The following CPLX1 variants were observed in gnomAD, a reference collection of about 807,000 sequenced individuals.
CPLX1 encodes the protein complexin-1.
Under a neutral mutation model 15.6 loss-of-function variants are expected in CPLX1, and 6 were observed. The ratio of observed to expected loss-of-function variants is 0.39; its 90% CI spans 0.21 to 0.76. The LOEUF is 0.76. CPLX1 is among the 30% of genes least tolerant of loss of function. The pLI is 0.43. For synonymous variants in CPLX1, 91 were observed against 75.2 expected (o/e 1.21, Z -1.08); for missense variants, 242 against 188.6 (o/e 1.28, Z -1.66).
At chr4:818,692 C>T (rs1186190452) in intron 2 of CPLX1, among the ~76,000 whole-genome samples, 1 of 152,258 alleles carries the variant, frequency 6.6e-6, no homozygotes, top group Non-Finnish European at 1.5e-5. Context: ...TGGAAACCGG[C>T]GGCTGCGCCA....
At chr4:803,476 C>T (rs1217162379) in intron 2 of CPLX1, among the ~76,000 whole-genome samples, 1 of 152,126 alleles carries the variant, frequency 6.6e-6, no homozygotes, top group Non-Finnish European at 1.5e-5. Flanking sequence ...CTGCAAGCTC[C>T]GCCTCCCAGG....
At chr4:817,709 G>A (rs1746785232) in intron 2 of CPLX1, among the ~76,000 whole-genome samples, 3 of 150,774 alleles carry the variant, frequency 2.0e-5, no homozygotes, top group South Asian at 2.1e-4. Context: ...TGCAGTGACC[G>A]CCCCCTTCCC....
intron 2 of CPLX1, among the ~76,000 whole-genome samples, chr4:824,009 G>A (rs531335404): frequency 3.9e-5 from 6 of 152,218 alleles, no homozygotes; most frequent in Non-Finnish European, 8.8e-5. Context: ...AACCCACAGG[G>A]TCCTCGCCAG....
In CPLX1 at chr4:794,331, A is replaced by G. The variant is rs189584314; in HGVS notation, c.32-1723T>C. On this transcript the variant is annotated intron_variant, in intron 2 of 3. Transcript: ENST00000304062. ...CAGGCAGTGGGGTGTGGGGAGAACG[A>G]GCCCCTCTTGCTGCCCTCGTCGCTG... is the stretch of plus-strand genomic sequence containing the variant. Among the ~76,000 whole-genome samples, 13 of 152,344 alleles carry G rather than the reference A, an allele frequency of 8.5e-5. No homozygotes were observed. In the East Asian group the frequency reaches 2.5e-3, roughly 29 times the overall value.
intron 2 of CPLX1, among the ~76,000 whole-genome samples, chr4:811,571 A>G (rs1409395014): frequency 1.3e-5 from 2 of 152,200 alleles, no homozygotes; most frequent in Admixed American, 1.3e-4. Flanking sequence ...ATTTCATTGT[A>G]GTTGGAGAAT....
intron 3 of CPLX1, chr4:788,005 T>G (rs973729480): frequency 1.0e-6 from 1 of 985,342 alleles, no homozygotes; most frequent in African/African-American, 1.7e-5. Flanking sequence ...TCTGGAGTAG[T>G]GAAGGCGTCA....
At chr4:824,762 C>T (rs1309754747) in intron 1 of CPLX1, 161 bp from the exon 2 acceptor site, 3 of 689,798 alleles carry the variant, frequency 4.3e-6, no homozygotes, top group Non-Finnish European at 5.3e-6. Flanking sequence ...TGTCCCCACA[C>T]CCAAACCAGG....
intron 2 of CPLX1, among the ~76,000 whole-genome samples, chr4:819,651 T>A (rs376912978): frequency 1.4e-5 from 2 of 140,142 alleles, no homozygotes; most frequent in Non-Finnish European, 3.2e-5. Context: ...TCAGGCACTG[T>A]GGGACGCCTG....
intron 2 of CPLX1, among the ~76,000 whole-genome samples, chr4:818,629 G>A (rs7686544): frequency 0.37 from 55,578 of 152,042 alleles, 10,515 homozygotes; most frequent in African/African-American, 0.46. Flanking sequence ...GGAAAGCCGC[G>A]CCATGTGAGT....
Position 786,466 on chromosome 4 carries a change from G to A in CPLX1, c.*35C>T, listed in dbSNP as rs1001409585. ...CCGCGGAGGATCTGTAGGGGGAGGG[G>A]CGGGGGCTCCGCGGGGCCGCTGTCC... On this transcript the variant is annotated 3_prime_UTR_variant, in exon 4 of 4. Transcript: ENST00000304062. 6.6e-7 allele frequency: 1 copy of A among 1,516,424 alleles called. No individual in the cohort carries two copies. Among genetic ancestry groups the A allele is most frequent in the African/African-American group, 1.4e-5 (1 of 71,972 alleles). 93.9% of individuals were successfully genotyped at this position (1,516,424 alleles called of 1,614,324 possible).
At chr4:802,990 A>G (rs1746486374) in intron 2 of CPLX1, among the ~76,000 whole-genome samples, 2 of 152,156 alleles carry the variant, frequency 1.3e-5, no homozygotes, top group Non-Finnish European at 2.9e-5. Flanking sequence ...ATGAAAGATA[A>G]ACACTAGGCG....
chr4:823,752 C>A lies in CPLX1; in HGVS notation c.31+740G>T, dbSNP rs533824126. On this transcript the variant is annotated intron_variant, in intron 2 of 3. Coordinates refer to ENST00000304062, the MANE Select transcript of CPLX1 (RefSeq NM_006651.4). Reference sequence around the variant, plus strand: ...CCCTGCCCACCTCCTGGTCTAGGAACCCAGCCACTGCTCTTGACATGGTCT... The same window carrying A: ...CCCTGCCCACCTCCTGGTCTAGGAAACCAGCCACTGCTCTTGACATGGTCT... Among the ~76,000 whole-genome samples, 12 of 152,374 alleles carry A rather than the reference C, an allele frequency of 7.9e-5. No homozygotes were observed. The East Asian group carries it at 1.7e-3, about 22-fold the overall frequency.
At chr4:800,735 ATAT>A (rs138194156) in intron 2 of CPLX1, among the ~76,000 whole-genome samples, 5,044 of 19,162 alleles carry the variant, frequency 0.26, 314 homozygotes, top group African/African-American at 0.37. Context: ...AAAAAAAAAA[ATAT>A]ATATATATAT....
chr4:792,542 T>C lies in CPLX1; in HGVS notation c.98A>G (p.Lys33Arg). 6.2e-7 allele frequency: 1 copy of C among 1,613,152 alleles called. No individual in the cohort carries two copies. The highest frequency in any genetic ancestry group is 8.5e-7 in the Non-Finnish European group (1 of 1,179,598). Residue 33 changes from lysine (K) to arginine (R), a missense_variant, in exon 3 of 4, where the codon AAG (lysine) becomes AGG (arginine). Transcript: ENST00000304062. ...CAGCGCCTCCTGCCGCTCCTCCTCC[T>C]TCTTGGCGGCGTCTGGGTCCTTCTC... ...DEEKDPDAAK[K>R]EEERQEALRQ... is the part of the protein sequence containing the mutation.
At chr4:797,515 A>G (rs1408406456) in intron 2 of CPLX1, among the ~76,000 whole-genome samples, 1 of 152,082 alleles carries the variant, frequency 6.6e-6, no homozygotes, top group Non-Finnish European at 1.5e-5. Context: ...TTTAATAGAG[A>G]CGGGGTTTCA....
intron 3 of CPLX1, chr4:787,044 C>A (rs1746016903): frequency 2.0e-6 from 2 of 985,420 alleles, no homozygotes; most frequent in Non-Finnish European, 1.2e-6. Flanking sequence ...CGGCCCGGGG[C>A]AGGGAGGGGT....
At chr4:789,561 C>T (rs1560236032) in intron 3 of CPLX1, among the ~76,000 whole-genome samples, 1 of 152,150 alleles carries the variant, frequency 6.6e-6, no homozygotes, top group Non-Finnish European at 1.5e-5. Flanking sequence ...CTCAGAAGGC[C>T]CGTGCAGGAA....
At chr4:818,069 G>T (rs886569918) in intron 2 of CPLX1, among the ~76,000 whole-genome samples, 3 of 152,222 alleles carry the variant, frequency 2.0e-5, no homozygotes, top group Non-Finnish European at 4.4e-5. Context: ...GTAAAAGAAG[G>T]TTGGCTTTTG....
chr4:804,939 G>A, intron 2 of CPLX1: 17 of 965,640 alleles, frequency 1.8e-5, no homozygotes, highest in Non-Finnish European at 2.1e-5. Flanking sequence ...GAGCACGTGC[G>A]GAGTTCACCC....
Sources: gnomAD v4.1 joint callset for allele counts (sites outside exome capture counted in the v4.1 genomes callset) on GRCh38, gnomAD v4.1.1 for gene constraint, MANE v1.5 for transcripts, NCBI Gene and HGNC (gene_info 2026-07-23, HGNC 2026-07-21) for gene names.